The following CFAP53 variants were observed in gnomAD, a reference collection of about 807,000 sequenced individuals.
CFAP53 encodes the protein cilia- and flagella-associated protein 53.
Under a neutral mutation model 59.7 loss-of-function variants are expected in CFAP53, and 62 were observed. The ratio of observed to expected loss-of-function variants is 1.04; its 90% confidence interval spans 0.85 to 1.28. CFAP53 has a LOEUF of 1.28. Ranked by LOEUF, CFAP53 falls within the 50% of genes most tolerant of loss-of-function variation. CFAP53 has a pLI of 0.00. For synonymous variants in CFAP53, 218 were observed against 205.7 expected (o/e 1.06, Z -0.51); for missense variants, 629 against 615.6 (o/e 1.02, Z -0.23).
chr18:50,266,268 T>C (rs758727214), intron 1 of CFAP53, 68 bp downstream of exon 1: 16 of 1,501,966 alleles, frequency 1.1e-5, no homozygotes, highest in African/African-American at 2.8e-5. Flanking sequence ...CGAAGTGGGA[T>C]AGGCCAGGCC....
In CFAP53 at chr18:50,243,130, A is replaced by G; in HGVS notation, c.997-14T>C. 1 of 1,590,816 alleles carries G rather than the reference A, an allele frequency of 6.3e-7. No individual in the cohort carries two copies. Among genetic ancestry groups the G allele is most frequent in the African/African-American group, 1.3e-5 (1 of 74,370 alleles). ...TATCATATCTTCCTATGTAACATAA[A>G]AATTCATATTGTTAAAATTTTTTGG... On this transcript the variant is annotated splice_polypyrimidine_tract_variant and intron_variant, in intron 5 of 7. Transcript: ENST00000398545.
intron 1 of CFAP53, among the ~76,000 whole-genome samples, chr18:50,262,507 A>G (rs2033903621): frequency 6.6e-6 from 1 of 152,200 alleles, no homozygotes; most frequent in South Asian, 2.1e-4. Context: ...CTCTGTTGAG[A>G]TTGTCTAGTC....
chr18:50,230,494 G>A (rs1018412057), intron 7 of CFAP53, among the ~76,000 whole-genome samples: 17 of 152,216 alleles, frequency 1.1e-4, no homozygotes, highest in African/African-American at 3.9e-4. Context: ...CTTCCAGTTG[G>A]CTGTTCCTGA....
intron 6 of CFAP53, among the ~76,000 whole-genome samples, chr18:50,240,261 C>T (rs569630141): frequency 6.6e-6 from 1 of 151,878 alleles, no homozygotes; most frequent in Non-Finnish European, 1.5e-5. Flanking sequence ...TGATCACCTA[C>T]CCCACCCTGA....
chr18:50,236,319 C>A (rs1198531313), intron 7 of CFAP53, among the ~76,000 whole-genome samples: 1 of 152,184 alleles, frequency 6.6e-6, no homozygotes, highest in Non-Finnish European at 1.5e-5. Context: ...CTGCCTGTAC[C>A]TACAACTGTC....
intron 6 of CFAP53, among the ~76,000 whole-genome samples, chr18:50,240,099 C>T (rs780642566): frequency 5.9e-5 from 9 of 152,082 alleles, no homozygotes; most frequent in Non-Finnish European, 1.2e-4. Context: ...CCTGCTCCAC[C>T]CTGACTCATT....
chr18:50,254,723 T>C (rs2033831987), intron 3 of CFAP53, among the ~76,000 whole-genome samples: 1 of 152,136 alleles, frequency 6.6e-6, no homozygotes, highest in Non-Finnish European at 1.5e-5. Context: ...ACTGCATCTC[T>C]ACTAAAAATA....
At chr18:50,235,482 A>G (rs1168452167) in intron 7 of CFAP53, among the ~76,000 whole-genome samples, 1 of 152,144 alleles carries the variant, frequency 6.6e-6, no homozygotes, top group African/African-American at 2.4e-5. Flanking sequence ...CAGGAGAATC[A>G]CTTGAACCTG....
chr18:50,264,095 T>G (rs1204523883), intron 1 of CFAP53, among the ~76,000 whole-genome samples: 1 of 152,234 alleles, frequency 6.6e-6, no homozygotes, highest in East Asian at 1.9e-4. Flanking sequence ...TTAATTTTGA[T>G]AGTATATTTT....
At position 50,261,348 on chromosome 18, in the gene CFAP53, C is replaced by T. The variant is rs922367478; in HGVS notation, c.300-111G>A. ...CTAATTTGTAAGAAAAGAAAGATCACTGCAGTCTTCCACAGAATAAGACTG... is the reference window on the plus strand; with the variant it reads ...CTAATTTGTAAGAAAAGAAAGATCATTGCAGTCTTCCACAGAATAAGACTG... On this transcript the variant is annotated intron_variant, in intron 2 of 7. Coordinates refer to ENST00000398545, the MANE Select transcript of CFAP53 (RefSeq NM_145020.5). 8 of 1,192,022 alleles carry T rather than the reference C, an allele frequency of 6.7e-6. No homozygotes were observed. In the African/African-American group the frequency reaches 8.0e-5, roughly 12 times the overall value. 73.8% of individuals were successfully genotyped at this position (1,192,022 alleles called of 1,614,324 possible).
rs764782179 is a variant in CFAP53 at position 50,262,036 on chromosome 18, C to G, written c.253G>C (p.Asp85His). ...LDSLVRARIK[D>H]AVQGFIINIE... Reference sequence around the variant, plus strand: ...TTAATGATAAACCCTTGCACAGCATCCTTGATTCTTGCTCGCACAAGGCTG... The same window carrying G: ...TTAATGATAAACCCTTGCACAGCATGCTTGATTCTTGCTCGCACAAGGCTG... Residue 85 changes from aspartate to histidine, a missense_variant, in exon 2 of 8, where the codon GAT (aspartate) becomes CAT (histidine). By Grantham distance (81) the Asp-to-His change is moderately conservative (BLOSUM62 -1). Transcript: ENST00000398545. 1 of 1,614,184 alleles carries G rather than the reference C, an allele frequency of 6.2e-7. No homozygotes were observed. Among genetic ancestry groups the G allele is most frequent in the Non-Finnish European group, 8.5e-7 (1 of 1,180,014 alleles).
At chr18:50,247,384 G>GA (rs753658106) in intron 5 of CFAP53, among the ~76,000 whole-genome samples, 1 of 152,176 alleles carries the variant, frequency 6.6e-6, no homozygotes, top group Non-Finnish European at 1.5e-5. Flanking sequence ...AGCCACTTTG[G>GA]AAAACAGTTT....
intron 2 of CFAP53, among the ~76,000 whole-genome samples, chr18:50,261,470 C>A (rs2033893535): frequency 6.6e-6 from 1 of 152,142 alleles, no homozygotes. Context: ...TGGCTCACTG[C>A]AGCCTTGACC....
In CFAP53 at chr18:50,265,873, A is replaced by G. The variant is rs139457032; in HGVS notation, c.69+463T>C. ...AGGAAAGGCGTTGGGTGCTATAACC[A>G]CTCACAACCTAATTCCCCTTCCTCA... On this transcript the variant is annotated intron_variant, in intron 1 of 7. Coordinates refer to ENST00000398545, the MANE Select transcript of CFAP53 (RefSeq NM_145020.5). 2.3e-3 allele frequency among the ~76,000 whole-genome samples: 349 copies of G among 152,130 alleles called. 1 individual carries two copies. The highest frequency in any genetic ancestry group is 7.5e-3 in the African/African-American group (311 of 41,494).
chr18:50,251,627 C>A lies in CFAP53; in HGVS notation c.631G>T (p.Ala211Ser). The change falls in exon 4 of 8, where the codon GCC (alanine) becomes TCC (serine). Residue 211 changes from alanine to serine, a missense_variant. By Grantham distance (99) the Ala-to-Ser change is moderately conservative (BLOSUM62 1). Transcript: ENST00000398545. Reference protein sequence around the residue: ...FSKLWEEDRLAKEKREAQEAR... With the variant: ...FSKLWEEDRLSKEKREAQEAR... Reference sequence around the variant, plus strand: ...TCTTGGGCTTCTCGCTTTTCCTTGGCTAATCGGTCTTCCTCCCAGAGTTTG... The same window carrying A: ...TCTTGGGCTTCTCGCTTTTCCTTGGATAATCGGTCTTCCTCCCAGAGTTTG... 2 of 1,614,230 alleles carry A rather than the reference C, an allele frequency of 1.2e-6. No individual in the cohort carries two copies. Among genetic ancestry groups the A allele is most frequent in the Non-Finnish European group, 1.7e-6 (2 of 1,180,046 alleles).
intron 5 of CFAP53, among the ~76,000 whole-genome samples, chr18:50,249,528 T>TA (rs1034086002): frequency 6.8e-5 from 10 of 147,272 alleles, no homozygotes; most frequent in African/African-American, 1.8e-4. Flanking sequence ...AAAAAAAAAT[T>TA]AAAAAAAAAG....
At chr18:50,257,089 C>T (rs1332183069) in intron 3 of CFAP53, among the ~76,000 whole-genome samples, 1 of 151,694 alleles carries the variant, frequency 6.6e-6, no homozygotes, top group African/African-American at 2.4e-5. Flanking sequence ...TGTAAAAATC[C>T]CTTCTGAATA....
chr18:50,264,229 A>C (rs1453188747), intron 1 of CFAP53, among the ~76,000 whole-genome samples: 4 of 152,222 alleles, frequency 2.6e-5, no homozygotes, highest in African/African-American at 9.6e-5. Flanking sequence ...ACCATGCTAA[A>C]GTCAGGAAAA....
At chr18:50,237,526 T>C (rs935394964) in intron 7 of CFAP53, among the ~76,000 whole-genome samples, 1 of 150,856 alleles carries the variant, frequency 6.6e-6, no homozygotes, top group African/African-American at 2.4e-5. Flanking sequence ...ACATTAACCA[T>C]ACTCTTTCTA....
Sources: allele counts gnomAD v4.1 joint callset (sites outside exome capture counted in the v4.1 genomes callset), GRCh38; gene constraint gnomAD v4.1.1; transcripts MANE v1.5; gene names NCBI Gene and HGNC (gene_info 2026-07-23, HGNC 2026-07-21).